Variants in INTS9 observed in about 807,000 individuals in gnomAD.
INTS9 encodes the protein protein related to CPSF subunits of 74 kDa.
INTS9 carries 55 observed loss-of-function variants against 79.7 expected under a neutral mutation model. The ratio of observed to expected loss-of-function variants is 0.69; its 90% confidence interval spans 0.56 to 0.86. The LOEUF (loss-of-function observed/expected upper bound fraction) is 0.86. INTS9 is among the 40% of genes least tolerant of loss of function. The pLI, the probability that INTS9 is intolerant of heterozygous loss-of-function variation, is 0.00. For missense variants in INTS9, 721 were observed against 831.5 expected (o/e 0.87, Z 1.64); for synonymous variants, 319 against 325.2 (o/e 0.98, Z 0.20).
At position 28,777,823 on chromosome 8, in the gene INTS9, C is replaced by A. The variant is rs761011392; in HGVS notation, c.1395+6G>T. ...ACGTGAAGGCACAAGCAGTGTCCTT[C>A]ATTACCTGCACTTCTTTAAGCAGCT... On this transcript the variant is annotated splice_donor_region_variant and intron_variant, in intron 13 of 16. Coordinates refer to ENST00000521022, the MANE Select transcript of INTS9 (RefSeq NM_018250.4). 21 of 1,600,974 alleles carry A rather than the reference C, an allele frequency of 1.3e-5. No homozygotes were observed. The highest frequency in any genetic ancestry group is 1.7e-5 in the Non-Finnish European group (20 of 1,174,226).
chr8:28,819,130 G>A (rs1248268707), intron 6 of INTS9, among the ~76,000 whole-genome samples: 5 of 152,118 alleles, frequency 3.3e-5, no homozygotes, highest in African/African-American at 9.7e-5. Flanking sequence ...TTTTTGGAAG[G>A]GTTTTTTGTG....
At chr8:28,875,836 C>T (rs1809350506) in intron 1 of INTS9, among the ~76,000 whole-genome samples, 1 of 152,198 alleles carries the variant, frequency 6.6e-6, no homozygotes, top group Admixed American at 6.5e-5. Context: ...TGTCTCAGAG[C>T]ACTGAGAATG....
chr8:28,768,037 G>A lies in INTS9; in HGVS notation c.*109C>T. Reference sequence around the variant, plus strand: ...CACCTCTTCACTCCTTAAGCCAGAGGACACCACAAAGACACAGTTAATGGC... The same window carrying A: ...CACCTCTTCACTCCTTAAGCCAGAGAACACCACAAAGACACAGTTAATGGC... On this transcript the variant is annotated 3_prime_UTR_variant, in exon 17 of 17. Transcript: ENST00000521022. 1 of 983,686 alleles carries A rather than the reference G, an allele frequency of 1.0e-6. No individual in the cohort carries two copies. Among genetic ancestry groups the A allele is most frequent in the South Asian group, 1.4e-5 (1 of 70,836 alleles). The allele number at this position is 983,686 out of a possible 1,614,324, so 60.9% of individuals were successfully genotyped here.
chr8:28,841,173 C>A (rs1807160447), intron 4 of INTS9, among the ~76,000 whole-genome samples: 1 of 152,178 alleles, frequency 6.6e-6, no homozygotes, highest in South Asian at 2.1e-4. Context: ...GAACACCATG[C>A]CTAATGAACA....
chr8:28,773,451 G>A (rs551775005), intron 14 of INTS9, among the ~76,000 whole-genome samples: 15 of 115,342 alleles, frequency 1.3e-4, no homozygotes, highest in South Asian at 2.9e-4. Context: ...GTGACAGAGC[G>A]AGACTCCGTC....
intron 1 of INTS9, chr8:28,862,423 C>G (rs951260934): frequency 5.8e-6 from 1 of 172,902 alleles, no homozygotes; most frequent in African/African-American, 2.4e-5. Flanking sequence ...GTAAATATAC[C>G]ATGGTTTGTT....
chr8:28,855,087 C>T (rs187519027), intron 2 of INTS9, among the ~76,000 whole-genome samples: 36 of 152,270 alleles, frequency 2.4e-4, no homozygotes, highest in African/African-American at 7.5e-4. Context: ...GATTCCAAGA[C>T]ACTCCCTCCC....
intron 6 of INTS9, among the ~76,000 whole-genome samples, chr8:28,826,846 T>C (rs1215138865): frequency 6.6e-6 from 1 of 152,238 alleles, no homozygotes; most frequent in Non-Finnish European, 1.5e-5. Flanking sequence ...GGCATTTTTC[T>C]ACAAACTTAG....
chr8:28,837,472 C>A (rs1806869555), intron 5 of INTS9, among the ~76,000 whole-genome samples, 165 bp downstream of exon 5: 1 of 152,190 alleles, frequency 6.6e-6, no homozygotes, highest in Non-Finnish European at 1.5e-5. Context: ...TAGGCATTTC[C>A]AATGAACATT....
chr8:28,823,624 C>T (rs1394490478), intron 6 of INTS9, among the ~76,000 whole-genome samples: 1 of 152,154 alleles, frequency 6.6e-6, no homozygotes, highest in Admixed American at 6.5e-5. Context: ...AATTCTTAGG[C>T]ACAACTGGAC....
intron 4 of INTS9, among the ~76,000 whole-genome samples, chr8:28,842,730 C>T (rs1022480289): frequency 4.6e-5 from 7 of 152,072 alleles, no homozygotes; most frequent in African/African-American, 1.7e-4. Flanking sequence ...TGTTCTAAAT[C>T]CTGTGAAGTA....
intron 13 of INTS9, among the ~76,000 whole-genome samples, chr8:28,777,605 C>T (rs1802965321): frequency 6.6e-6 from 1 of 151,990 alleles, no homozygotes; most frequent in Non-Finnish European, 1.5e-5. Context: ...TTTTCTTTCC[C>T]TTCCACATCT....
chr8:28,780,599 C>G, intron 12 of INTS9: 1 of 985,470 alleles, frequency 1.0e-6, no homozygotes, highest in Non-Finnish European at 1.2e-6. Context: ...TTGGAGAAAT[C>G]TGAAAACACA....
rs1161182996 is a variant in INTS9, at chr8:28,793,869, G to A, written c.975C>T (p.Pro325=). 3 of 1,613,776 alleles carry A rather than the reference G, an allele frequency of 1.9e-6. No individual in the cohort carries two copies. The highest frequency in any genetic ancestry group is 1.7e-5 in the Admixed American group (1 of 60,020). ...YIDSAGLSSV[P]LYFISPVANS... is the part of the protein sequence containing the mutation. The stretch of plus-strand genomic sequence containing the variant: ...TGGCCACAGGGGAGATGAAGTAGAG[G>A]GGGACGCTGGAAAGCCCGGCTGAGT... The change falls in exon 10 of 17, where the codon CCC becomes CCT. Residue 325 remains proline, a synonymous_variant. Transcript: ENST00000521022.
chr8:28,789,228 C>T (rs1803787624), intron 10 of INTS9, among the ~76,000 whole-genome samples: 1 of 152,152 alleles, frequency 6.6e-6, no homozygotes, highest in South Asian at 2.1e-4. Context: ...CATTATCCTA[C>T]ATGCATTAAA....
intron 1 of INTS9, among the ~76,000 whole-genome samples, chr8:28,863,962 A>G (rs1186949296): frequency 6.6e-6 from 1 of 152,244 alleles, no homozygotes; most frequent in Non-Finnish European, 1.5e-5. Context: ...CATATGGGTA[A>G]GATAAACATT....
intron 1 of INTS9, among the ~76,000 whole-genome samples, chr8:28,886,467 G>C (rs1220969522): frequency 6.6e-6 from 1 of 152,114 alleles, no homozygotes; most frequent in Non-Finnish European, 1.5e-5. Context: ...GGCTGGTCTA[G>C]AACTCCTGAT....
chr8:28,778,653 AG>A (rs1176202910), intron 12 of INTS9, among the ~76,000 whole-genome samples: 2 of 152,318 alleles, frequency 1.3e-5, no homozygotes, highest in Non-Finnish European at 2.9e-5. Context: ...CCTGCTTGGC[AG>A]GGAACATTCC....
intron 13 of INTS9, among the ~76,000 whole-genome samples, chr8:28,776,938 C>T (rs1453462001): frequency 6.6e-6 from 1 of 152,186 alleles, no homozygotes; most frequent in Non-Finnish European, 1.5e-5. Context: ...ATTGGGGTAG[C>T]GAATCACTGT....
Sources: allele counts gnomAD v4.1 joint callset (sites outside exome capture counted in the v4.1 genomes callset), GRCh38; gene constraint gnomAD v4.1.1; transcripts MANE v1.5; gene names NCBI Gene and HGNC (gene_info 2026-07-23, HGNC 2026-07-21).